Variants in DNAJC6 observed in about 807,000 individuals in gnomAD.
The protein encoded by DNAJC6 is DnaJ heat shock protein family (Hsp40) member C6.
A neutral mutation model predicts 110.0 loss-of-function variants in DNAJC6; 34 were observed. The ratio of observed to expected loss-of-function variants is 0.31; its 90% CI spans 0.24 to 0.41. The LOEUF (loss-of-function observed/expected upper bound fraction) is 0.41, where lower values mean the gene tolerates loss of function less well. DNAJC6 is among the 10% of genes least tolerant of loss of function. The probability of loss-of-function intolerance (pLI) is 1.00; values close to 1 mark genes in which losing one functional copy is unlikely to be tolerated. For synonymous variants in DNAJC6, 406 were observed against 437.2 expected (o/e 0.93, Z 0.89); for missense variants, 1,031 against 1,207.8 (o/e 0.85, Z 2.17).
In DNAJC6 at chr1:65,309,889, G is replaced by C; in HGVS notation, c.144G>C (p.Arg48=). The C allele has an allele frequency of 2.6e-6, 4 of 1,544,050 alleles. No individual in the cohort carries two copies. Among genetic ancestry groups the C allele is most frequent in the Non-Finnish European group, 3.5e-6 (4 of 1,143,712 alleles). The change falls in exon 1 of 19, where the codon CGG becomes CGC. Residue 48 remains arginine (R), a synonymous_variant. Coordinates refer to ENST00000371069, the MANE Select transcript of DNAJC6 (RefSeq NM_001256864.2). ...GAGTGAACGCCGGGGCAGCGGCGCG[G>C]AGTCCCGCCCGACAGCCTCCGGACC... is the stretch of plus-strand genomic sequence containing the variant. ...KQRVNAGAAA[R]SPARQPPDRA...
intron 1 of DNAJC6, among the ~76,000 whole-genome samples, chr1:65,316,101 T>C (rs1012173795): frequency 1.3e-5 from 2 of 152,128 alleles, no homozygotes; most frequent in African/African-American, 2.4e-5. Context: ...TGGAAAAATA[T>C]ATTGCAAATG....
chr1:65,375,880 T>C (rs1164750788), intron 4 of DNAJC6, among the ~76,000 whole-genome samples: 1 of 152,252 alleles, frequency 6.6e-6, no homozygotes, highest in Non-Finnish European at 1.5e-5. Flanking sequence ...CTAGTTTTAG[T>C]ATCAGGTAAT....
chr1:65,369,986 C>T (rs916393116), intron 4 of DNAJC6, among the ~76,000 whole-genome samples: 1 of 152,040 alleles, frequency 6.6e-6, no homozygotes, highest in Non-Finnish European at 1.5e-5. Flanking sequence ...CATTCAAAAG[C>T]GAAGTACTGG....
chr1:65,362,905 A>G (rs1444853902), intron 1 of DNAJC6, among the ~76,000 whole-genome samples: 1 of 152,220 alleles, frequency 6.6e-6, no homozygotes, highest in African/African-American at 2.4e-5. Flanking sequence ...TTCTTACTGT[A>G]TTAGTCTGTT....
At chr1:65,289,731 G>A (rs1654136503) in intron 1 of DNAJC6, among the ~76,000 whole-genome samples, 2 of 151,888 alleles carry the variant, frequency 1.3e-5, no homozygotes, top group Non-Finnish European at 2.9e-5. Flanking sequence ...TTTTGTTACA[G>A]CAGCCTGAGC....
At chr1:65,267,702 A>G (rs1425736419) in intron 1 of DNAJC6, among the ~76,000 whole-genome samples, 11 of 152,160 alleles carry the variant, frequency 7.2e-5, no homozygotes, top group Non-Finnish European at 1.3e-4. Flanking sequence ...AGAAAGAGAG[A>G]GTCAATAGTT....
chr1:65,412,959 G>T lies in DNAJC6; in HGVS notation c.2847G>T (p.Met949Ile). Residue 949 changes from methionine (M) to isoleucine (I), a missense_variant, in exon 19 of 19, where the codon ATG becomes ATT. Transcript: ENST00000371069. Reference sequence around the variant, plus strand: ...AACCCTATGAACAATACGCAAAGATGATTTTCATGGAGCTCAATGATGCCT... The same window carrying T: ...AACCCTATGAACAATACGCAAAGATTATTTTCATGGAGCTCAATGATGCCT... ...TGQPYEQYAK[M>I]IFMELNDAWS... 1.2e-6 allele frequency: 2 copies of T among 1,614,034 alleles called. No individual in the cohort carries two copies. Among genetic ancestry groups the T allele is most frequent in the South Asian group, 2.2e-5 (2 of 91,076 alleles).
chr1:65,264,860 AG>A (rs1225359467), exon 1 of DNAJC6: 2 of 1,611,048 alleles, frequency 1.2e-6, no homozygotes, highest in African/African-American at 2.7e-5. Context: ...TCAGGGTTGC[AG>A]AATCAGCCGG....
At chr1:65,408,841 G>A in intron 17 of DNAJC6, 58 bp downstream of exon 17, 1 of 1,588,288 alleles carries the variant, frequency 6.3e-7, no homozygotes, top group Non-Finnish European at 8.6e-7. Flanking sequence ...ATGTGATAAA[G>A]TCATGTGTAT....
In DNAJC6 at chr1:65,384,160, G is replaced by A; in HGVS notation, c.667-33G>A. The A allele has an allele frequency of 3.5e-6, 5 of 1,422,886 alleles. No individual in the cohort carries two copies. In the Admixed American group the frequency reaches 8.0e-5, roughly 23 times the overall value. The allele number at this position is 1,422,886 out of a possible 1,614,324, so 88.1% of individuals were successfully genotyped here. A position where few individuals can be genotyped will look rare whatever the true frequency, so the allele number is the denominator to read the frequency against. ...AATGGAGAATGGCTGATTTGATCAT[G>A]TTCATAATGATTTTATGCATTTTCT... is the stretch of plus-strand genomic sequence containing the variant. On this transcript the variant is annotated intron_variant, in intron 5 of 18. Coordinates refer to ENST00000371069, the MANE Select transcript of DNAJC6 (RefSeq NM_001256864.2).
intron 15 of DNAJC6, among the ~76,000 whole-genome samples, chr1:65,402,941 T>C (rs1044155840): frequency 3.9e-5 from 6 of 152,250 alleles, no homozygotes; most frequent in Non-Finnish European, 8.8e-5. Flanking sequence ...ATTTATTATT[T>C]ATTTTTAATG....
intron 6 of DNAJC6, 148 bp downstream of exon 6, chr1:65,384,474 G>C (rs2101598383): frequency 1.3e-6 from 1 of 765,770 alleles, no homozygotes; most frequent in East Asian, 3.4e-5. Flanking sequence ...AGAACTACTT[G>C]AGACTGGGTA....
At chr1:65,300,090 A>C (rs1484184378) in intron 1 of DNAJC6, among the ~76,000 whole-genome samples, 2 of 151,676 alleles carry the variant, frequency 1.3e-5, no homozygotes, top group Non-Finnish European at 1.5e-5. Flanking sequence ...TCCAGTGGTT[A>C]ATGGTGGTAG....
chr1:65,297,435 G>A (rs1398280930), intron 1 of DNAJC6, among the ~76,000 whole-genome samples: 1 of 152,170 alleles, frequency 6.6e-6, no homozygotes, highest in Non-Finnish European at 1.5e-5. Context: ...AATTGAAAGG[G>A]ATAGTCTACC....
At position 65,337,930 on chromosome 1, in the gene DNAJC6, G is replaced by T. The variant is rs1411216292; in HGVS notation, c.194-26705G>T. On this transcript the variant is annotated intron_variant, in intron 1 of 18. Coordinates refer to ENST00000371069, the MANE Select transcript of DNAJC6 (RefSeq NM_001256864.2). ...TTGGTCATGGGAGCCTCTGAAGCTAGCTCCTGAATGCTTCTAACACACTCA... is the reference window on the plus strand; with the variant it reads ...TTGGTCATGGGAGCCTCTGAAGCTATCTCCTGAATGCTTCTAACACACTCA... 2.0e-5 allele frequency among the ~76,000 whole-genome samples: 3 copies of T among 152,266 alleles called. No homozygotes were observed. The East Asian group carries it at 5.8e-4, about 29-fold the overall frequency.
intron 13 of DNAJC6, among the ~76,000 whole-genome samples, chr1:65,397,869 G>T (rs1341143549): frequency 6.6e-6 from 1 of 152,144 alleles, no homozygotes; most frequent in African/African-American, 2.4e-5. Flanking sequence ...AACAAAACAA[G>T]GAAATAAAAG....
chr1:65,342,434 C>T (rs1645397204), intron 1 of DNAJC6, among the ~76,000 whole-genome samples: 1 of 152,146 alleles, frequency 6.6e-6, no homozygotes, highest in African/African-American at 2.4e-5. Flanking sequence ...TGGGAGGATA[C>T]AGGGAGAAGA....
chr1:65,378,750 G>C (rs1476419248), intron 4 of DNAJC6, among the ~76,000 whole-genome samples: 1 of 152,208 alleles, frequency 6.6e-6, no homozygotes, highest in Non-Finnish European at 1.5e-5. Flanking sequence ...TAACCTCTGA[G>C]AGTCAGTTTT....
chr1:65,317,383 C>T (rs1645157942), intron 1 of DNAJC6, among the ~76,000 whole-genome samples: 1 of 152,232 alleles, frequency 6.6e-6, no homozygotes. Context: ...AGTTCCATAA[C>T]ATGTGCCAAG....
Sources: gnomAD v4.1 joint callset for allele counts (sites outside exome capture counted in the v4.1 genomes callset) on GRCh38, gnomAD v4.1.1 for gene constraint, MANE v1.5 for transcripts, NCBI Gene and HGNC (gene_info 2026-07-23, HGNC 2026-07-21) for gene names.